Variants in GSK3B observed in about 807,000 individuals in gnomAD.
The protein encoded by GSK3B is glycogen synthase kinase 3 beta.
GSK3B carries 15 observed loss-of-function variants against 56.4 expected under a neutral mutation model. The ratio of observed to expected loss-of-function variants is 0.27; its 90% CI spans 0.18 to 0.41. GSK3B has a LOEUF of 0.41. Among genes scored for constraint, GSK3B ranks in the 10% least tolerant of loss-of-function variants. The pLI is 1.00. For synonymous variants in GSK3B, 181 were observed against 188.9 expected (o/e 0.96, Z 0.34); for missense variants, 300 against 513.4 (o/e 0.58, Z 4.02).
At chr3:119,866,735 G>A (rs906945055) in intron 8 of GSK3B, 5 of 697,870 alleles carry the variant, frequency 7.2e-6, no homozygotes, top group Non-Finnish European at 1.3e-5. Context: ...TCCATGGTGT[G>A]GGGGGGGACA....
At chr3:119,890,770 A>G (rs920404809) in intron 7 of GSK3B, among the ~76,000 whole-genome samples, 1 of 149,860 alleles carries the variant, frequency 6.7e-6, no homozygotes, top group Non-Finnish European at 1.5e-5. Context: ...AGGGACCATT[A>G]TGTAATTTGT....
chr3:120,000,724 C>T lies in GSK3B; in HGVS notation c.282+1322G>A, dbSNP rs1172630441. On this transcript the variant is annotated intron_variant, in intron 2 of 10. Transcript: ENST00000264235. ...TCTGAGCTTCCATGCATAGGCTCCC[C>T]TAATGAGGTACAGAAAATGAAAATA... Among the ~76,000 whole-genome samples the T allele has an allele frequency of 2.3e-4, 35 of 150,008 alleles. No homozygotes were observed. In the Admixed American group the frequency reaches 2.3e-3, roughly 10 times the overall value.
intron 2 of GSK3B, among the ~76,000 whole-genome samples, chr3:119,957,224 A>G (rs2057222833): frequency 1.3e-5 from 2 of 152,254 alleles, no homozygotes; most frequent in Admixed American, 1.3e-4. Flanking sequence ...AAAATTTTAA[A>G]TTATAGTTAT....
At chr3:120,050,516 T>C (rs2058139790) in intron 1 of GSK3B, among the ~76,000 whole-genome samples, 1 of 152,098 alleles carries the variant, frequency 6.6e-6, no homozygotes, top group South Asian at 2.1e-4. Context: ...CCAAAGATAT[T>C]TAGGGGGTAG....
intron 2 of GSK3B, among the ~76,000 whole-genome samples, chr3:119,983,133 T>A (rs1405811015): frequency 2.0e-5 from 3 of 152,050 alleles, no homozygotes; most frequent in Non-Finnish European, 2.9e-5. Flanking sequence ...AGAAATAAAA[T>A]CCTTTACAGA....
intron 9 of GSK3B, among the ~76,000 whole-genome samples, chr3:119,858,118 T>C (rs2056046103): frequency 6.6e-6 from 1 of 152,148 alleles, no homozygotes; most frequent in African/African-American, 2.4e-5. Flanking sequence ...TTAGCATAAT[T>C]CTTAAGGGCC....
In GSK3B at chr3:119,972,964, T is replaced by C. The variant is rs189930003; in HGVS notation, c.283-25613A>G. ...AGGCTTCCAATTTGACTGATGCTTG[T>C]CTGTGGTATAATTTAGAAAAAGATC... On this transcript the variant is annotated intron_variant, in intron 2 of 10. Transcript: ENST00000264235. Among the ~76,000 whole-genome samples, 285 of 152,326 alleles carry C rather than the reference T, an allele frequency of 1.9e-3. 3 individuals carry two copies. The highest frequency in any genetic ancestry group is 6.1e-3 in the African/African-American group (253 of 41,566).
chr3:120,006,367 T>C lies in GSK3B; in HGVS notation c.89-4128A>G, dbSNP rs147152701. On this transcript the variant is annotated intron_variant, in intron 1 of 10. Transcript: ENST00000264235. Reference sequence around the variant, plus strand: ...TTAGACAGATCAAGGAGACAGAAAATTAACAAGGATACTCAGGACTTGAAC... The same window carrying C: ...TTAGACAGATCAAGGAGACAGAAAACTAACAAGGATACTCAGGACTTGAAC... Among the ~76,000 whole-genome samples, 1,329 of 152,134 alleles carry C rather than the reference T, an allele frequency of 8.7e-3. 14 individuals carry two copies. Among genetic ancestry groups the C allele is most frequent in the African/African-American group, 0.031 (1,272 of 41,478 alleles).
chr3:119,951,566 T>C (rs2057157615), intron 2 of GSK3B, among the ~76,000 whole-genome samples: 1 of 151,994 alleles, frequency 6.6e-6, no homozygotes, highest in African/African-American at 2.4e-5. Context: ...CCAGAATCTG[T>C]CTCAAAAAAA....
At chr3:120,009,834 A>G (rs1222185196) in intron 1 of GSK3B, among the ~76,000 whole-genome samples, 13 of 152,130 alleles carry the variant, frequency 8.5e-5, no homozygotes. Context: ...AACTTAAAGT[A>G]TAATAATAAT....
chr3:119,943,489 A>C (rs1425902102), intron 3 of GSK3B, among the ~76,000 whole-genome samples: 2 of 152,236 alleles, frequency 1.3e-5, no homozygotes, highest in Non-Finnish European at 2.9e-5. Context: ...GTATGGAATA[A>C]GATACACAGA....
At chr3:120,010,785 T>G (rs2057771930) in intron 1 of GSK3B, among the ~76,000 whole-genome samples, 1 of 152,088 alleles carries the variant, frequency 6.6e-6, no homozygotes, top group Admixed American at 6.6e-5. Context: ...AATAAATAAA[T>G]GGCCAGGCAT....
chr3:119,982,010 G>T (rs1422983760), intron 2 of GSK3B, among the ~76,000 whole-genome samples: 2 of 152,204 alleles, frequency 1.3e-5, no homozygotes, highest in Non-Finnish European at 2.9e-5. Flanking sequence ...AGATCAGGCA[G>T]CAATATTTGC....
At chr3:120,082,431 G>A (rs549976849) in intron 1 of GSK3B, among the ~76,000 whole-genome samples, 1 of 108,904 alleles carries the variant, frequency 9.2e-6, no homozygotes, top group East Asian at 3.1e-4. Flanking sequence ...GAGTCTTGCT[G>A]TGTCACCCAG....
At chr3:120,070,271 G>A (rs1303532526) in intron 1 of GSK3B, among the ~76,000 whole-genome samples, 3 of 149,180 alleles carry the variant, frequency 2.0e-5, no homozygotes, top group African/African-American at 7.5e-5. Context: ...ATATATAACA[G>A]TTTAAATAAA....
At chr3:120,038,867 T>C (rs2058043294) in intron 1 of GSK3B, among the ~76,000 whole-genome samples, 1 of 150,652 alleles carries the variant, frequency 6.6e-6, no homozygotes, top group Admixed American at 6.6e-5. Flanking sequence ...TAAAAACTTC[T>C]GCTCTTTGAA....
intron 3 of GSK3B, among the ~76,000 whole-genome samples, chr3:119,940,958 C>T (rs928625869): frequency 2.0e-5 from 3 of 151,710 alleles, no homozygotes; most frequent in African/African-American, 7.3e-5. Flanking sequence ...GTATCTCATA[C>T]CTTTTAGCTA....
chr3:119,935,092 T>C (rs1188280461), intron 3 of GSK3B, among the ~76,000 whole-genome samples: 2 of 152,146 alleles, frequency 1.3e-5, no homozygotes, highest in African/African-American at 4.8e-5. Context: ...GAGGAGGTCC[T>C]GATAATTCAA....
chr3:119,847,796 C>A (rs566097732), intron 9 of GSK3B, among the ~76,000 whole-genome samples: 93 of 152,252 alleles, frequency 6.1e-4, no homozygotes, highest in African/African-American at 2.1e-3. Context: ...AAATACTGTA[C>A]AAACATATTC....
Sources: gnomAD v4.1 joint callset for allele counts (sites outside exome capture counted in the v4.1 genomes callset) on GRCh38, gnomAD v4.1.1 for gene constraint, MANE v1.5 for transcripts, NCBI Gene and HGNC (gene_info 2026-07-23, HGNC 2026-07-21) for gene names.